The following GALNT13 variants were observed in gnomAD, a reference collection of about 807,000 sequenced individuals.
The protein encoded by GALNT13 is UDP-GalNAc:polypeptide N-acetylgalactosaminyltransferase 13.
A neutral mutation model predicts 64.2 loss-of-function variants in GALNT13; 28 were observed. That is an observed-to-expected ratio of 0.44 (90% confidence interval 0.32 to 0.60). The LOEUF (loss-of-function observed/expected upper bound fraction) is 0.60. Among genes scored for constraint, GALNT13 ranks in the 20% least tolerant of loss-of-function variants. The pLI, the probability that GALNT13 is intolerant of heterozygous loss-of-function variation, is 0.05. For synonymous variants in GALNT13, 214 were observed against 224.6 expected (o/e 0.95, Z 0.42); for missense variants, 577 against 669.8 (o/e 0.86, Z 1.53).
At chr2:153,958,383 C>T (rs891639843) in intron 3 of GALNT13, among the ~76,000 whole-genome samples, 2 of 152,130 alleles carry the variant, frequency 1.3e-5, no homozygotes, top group African/African-American at 4.8e-5. Context: ...GGGACCTCTT[C>T]CCGTTTTCTT....
chr2:154,014,043 G>C (rs576294557), intron 3 of GALNT13, among the ~76,000 whole-genome samples: 7 of 152,316 alleles, frequency 4.6e-5, no homozygotes, highest in South Asian at 2.1e-4. Flanking sequence ...AGGAGAAGCT[G>C]GCAGCAGGAG....
At chr2:153,635,670 C>T in the GALNT13 span, among the ~76,000 whole-genome samples, 1 of 151,862 alleles carries the variant, frequency 6.6e-6, no homozygotes, top group Non-Finnish European at 1.5e-5. Context: ...TCTTTGGATA[C>T]GGAAAGGTCA....
At chr2:153,525,029 C>T in the GALNT13 span, among the ~76,000 whole-genome samples, 1 of 152,258 alleles carries the variant, frequency 6.6e-6, no homozygotes, top group Admixed American at 6.5e-5. Context: ...GTGGGGAGGA[C>T]TTTGTCTTGC....
chr2:153,252,023 C>T, the GALNT13 span, among the ~76,000 whole-genome samples: 1 of 151,474 alleles, frequency 6.6e-6, no homozygotes, highest in African/African-American at 2.4e-5. Context: ...ATTTCTAGTT[C>T]TAGATCCCTG....
At chr2:153,679,101 G>A in the GALNT13 span, among the ~76,000 whole-genome samples, 1 of 151,812 alleles carries the variant, frequency 6.6e-6, no homozygotes. Context: ...GTTTTCAGGG[G>A]TTCTTGTTTG....
the GALNT13 span, among the ~76,000 whole-genome samples, chr2:153,473,037 G>T: frequency 7.4e-4 from 112 of 152,192 alleles, 1 homozygote; most frequent in African/African-American, 2.6e-3. Context: ...CTTGTCGGCG[G>T]GTGGGGGGCT....
At chr2:153,189,192 C>A in the GALNT13 span, among the ~76,000 whole-genome samples, 3 of 152,176 alleles carry the variant, frequency 2.0e-5, no homozygotes, top group Non-Finnish European at 4.4e-5. Context: ...CTTGGATTTT[C>A]ACCCACCTTT....
chr2:153,476,397 G>T, the GALNT13 span, among the ~76,000 whole-genome samples: 1 of 152,164 alleles, frequency 6.6e-6, no homozygotes, highest in Non-Finnish European at 1.5e-5. Flanking sequence ...CATCCTAGTG[G>T]ATTCTTTATA....
At chr2:153,376,701 A>G in the GALNT13 span, among the ~76,000 whole-genome samples, 53 of 152,272 alleles carry the variant, frequency 3.5e-4, no homozygotes, top group African/African-American at 1.2e-3. Flanking sequence ...GATGAGTTCA[A>G]TTACAGTGAG....
intron 3 of GALNT13, among the ~76,000 whole-genome samples, chr2:154,010,184 C>A (rs906814353): frequency 6.6e-6 from 1 of 151,704 alleles, no homozygotes; most frequent in African/African-American, 2.4e-5. Context: ...CTTGCTAAGA[C>A]GCTTCCATCT....
chr2:153,576,856 T>C, the GALNT13 span, among the ~76,000 whole-genome samples: 1 of 152,172 alleles, frequency 6.6e-6, no homozygotes, highest in Non-Finnish European at 1.5e-5. Context: ...GATGGTCTCT[T>C]TTGATAAACA....
At chr2:153,478,157 G>A in the GALNT13 span, 1 of 1,167,730 alleles carries the variant, frequency 8.6e-7, no homozygotes, top group Non-Finnish European at 1.2e-6. Flanking sequence ...GCTTCGCCCA[G>A]TCTCTGATAG....
the GALNT13 span, among the ~76,000 whole-genome samples, chr2:153,550,045 G>A: frequency 6.6e-6 from 1 of 152,192 alleles, no homozygotes; most frequent in East Asian, 1.9e-4. Flanking sequence ...TTGTGCCAAA[G>A]AGGAAGATAT....
the GALNT13 span, among the ~76,000 whole-genome samples, chr2:153,436,571 A>C: frequency 2.8e-4 from 42 of 152,176 alleles, no homozygotes; most frequent in South Asian, 7.9e-3. Flanking sequence ...GTGTATGTGT[A>C]CAGGAATTTA....
chr2:154,397,111 C>T (rs1392359515), intron 10 of GALNT13, among the ~76,000 whole-genome samples: 3 of 151,898 alleles, frequency 2.0e-5, no homozygotes, highest in African/African-American at 7.3e-5. Flanking sequence ...TCAAAGCTAC[C>T]TTAATATTGG....
the GALNT13 span, among the ~76,000 whole-genome samples, chr2:153,351,647 T>C: frequency 0.82 from 125,096 of 152,150 alleles, 52,336 homozygotes; most frequent in African/African-American, 0.9. Flanking sequence ...CCTTGACAAC[T>C]ACTATCTTTT....
At chr2:153,717,608 T>G in the GALNT13 span, among the ~76,000 whole-genome samples, 1 of 152,244 alleles carries the variant, frequency 6.6e-6, no homozygotes, top group Non-Finnish European at 1.5e-5. Flanking sequence ...TCTTGTATTT[T>G]ATATTTATAG....
In GALNT13 at chr2:154,153,885, G is replaced by A. The variant is rs537415815; in HGVS notation, c.311+13380G>A. 1.4e-3 allele frequency among the ~76,000 whole-genome samples: 212 copies of A among 152,320 alleles called. 1 individual carries two copies. Among genetic ancestry groups the A allele is most frequent in the African/African-American group, 4.6e-3 (192 of 41,580 alleles). ...AACTCCCTGACCCCTTGCGCTTCCC[G>A]AGTGAGGCAATGCCTTGCCCTGCTT... On this transcript the variant is annotated intron_variant, in intron 4 of 12. Transcript: ENST00000392825.
chr2:154,329,309 G>A (rs537897379), intron 9 of GALNT13, among the ~76,000 whole-genome samples: 1 of 152,250 alleles, frequency 6.6e-6, no homozygotes, highest in South Asian at 2.1e-4. Context: ...CACCATATTG[G>A]TCAGGCTGGT....
Sources: gnomAD v4.1 joint callset for allele counts (sites outside exome capture counted in the v4.1 genomes callset) on GRCh38, gnomAD v4.1.1 for gene constraint, MANE v1.5 for transcripts, NCBI Gene and HGNC (gene_info 2026-07-23, HGNC 2026-07-21) for gene names.